Variants in DOCK3 observed in about 807,000 individuals in gnomAD.
DOCK3 encodes dedicator of cytokinesis 3, also known as dedicator of cytokinesis protein 3.
DOCK3 carries 60 observed loss-of-function variants against 265.6 expected under a neutral mutation model. The observed-to-expected ratio is 0.23, with a 90% confidence interval of 0.18 to 0.28. The LOEUF (loss-of-function observed/expected upper bound fraction) is 0.28, where lower values mean the gene tolerates loss of function less well. Ranked by LOEUF, DOCK3 falls within the 10% of genes least tolerant of loss-of-function variation. The probability of loss-of-function intolerance (pLI) is 1.00; values close to 1 mark genes in which losing one functional copy is unlikely to be tolerated. For synonymous variants in DOCK3, 881 were observed against 938.0 expected (o/e 0.94, Z 1.11); for missense variants, 1,981 against 2,594.3 (o/e 0.76, Z 5.14).
intron 7 of DOCK3, 31 bp from the exon 8 acceptor site, chr3:51,089,212 A>G (rs1260220819): frequency 6.3e-7 from 1 of 1,585,930 alleles, no homozygotes; most frequent in East Asian, 2.3e-5. Flanking sequence ...CTTTCCCGGT[A>G]GAGTTTATTT....
intron 21 of DOCK3, among the ~76,000 whole-genome samples, chr3:51,242,975 G>C (rs1006534238): frequency 6.6e-5 from 10 of 152,132 alleles, no homozygotes; most frequent in East Asian, 5.8e-4. Flanking sequence ...AGCATGGTCT[G>C]TGTAGAAGCT....
chr3:50,978,606 G>A (rs1259765402), intron 5 of DOCK3, among the ~76,000 whole-genome samples: 1 of 152,184 alleles, frequency 6.6e-6, no homozygotes, highest in East Asian at 1.9e-4. Context: ...TTGTTTGTCT[G>A]TGCCCTGCCC....
chr3:51,125,517 C>G (rs1036171720), intron 9 of DOCK3, among the ~76,000 whole-genome samples: 12 of 152,284 alleles, frequency 7.9e-5, no homozygotes, highest in African/African-American at 2.9e-4. Context: ...GTGACAAGCT[C>G]TGTCTTGTGC....
chr3:51,121,927 A>G (rs1244780375), intron 9 of DOCK3, among the ~76,000 whole-genome samples: 2 of 152,206 alleles, frequency 1.3e-5, no homozygotes, highest in Non-Finnish European at 2.9e-5. Context: ...ATAGCCAGCC[A>G]TATCACAGGA....
rs2084869127 is a variant in DOCK3 at position 51,137,707 on chromosome 3, A to G, written c.747-8842A>G. On this transcript the variant is annotated intron_variant, in intron 9 of 52. Coordinates refer to ENST00000266037, the MANE Select transcript of DOCK3 (RefSeq NM_004947.5). Reference sequence around the variant, plus strand: ...GTAAGAACTTGATCAATAATATGAAATTAATGTAACTTCATATGCTATTGT... The same window carrying G: ...GTAAGAACTTGATCAATAATATGAAGTTAATGTAACTTCATATGCTATTGT... Among the ~76,000 whole-genome samples the G allele has an allele frequency of 2.6e-5, 4 of 152,344 alleles. No homozygotes were observed. The South Asian group carries it at 8.3e-4, about 32-fold the overall frequency.
chr3:51,006,744 G>A lies in DOCK3; in HGVS notation c.316-57704G>A, dbSNP rs554078943. On this transcript the variant is annotated intron_variant, in intron 5 of 52. Transcript: ENST00000266037. ...ACCCATTAACTCATCATTTCCATGA[G>A]GTATTTCTCCTAGTGCTCTCCCTCC... 2.6e-5 allele frequency among the ~76,000 whole-genome samples: 4 copies of A among 152,148 alleles called. No individual in the cohort carries two copies. In the East Asian group the frequency reaches 7.7e-4, roughly 29 times the overall value.
chr3:50,854,061 A>G lies in DOCK3; in HGVS notation c.162+12346A>G, dbSNP rs2085581. Among the ~76,000 whole-genome samples the G allele has an allele frequency of 6.6e-3, 997 of 152,094 alleles. 6 individuals are homozygous for G. Among genetic ancestry groups the G allele is most frequent in the African/African-American group, 0.022 (932 of 41,506 alleles). The stretch of plus-strand genomic sequence containing the variant: ...GTTTTAATTTGCTTTTCCCTGATGA[A>G]TAGTTACATTGAGCATTTTTTCACG... On this transcript the variant is annotated intron_variant, in intron 3 of 52. Transcript: ENST00000266037.
chr3:51,010,729 A>G (rs557794488), intron 5 of DOCK3, among the ~76,000 whole-genome samples: 4 of 152,202 alleles, frequency 2.6e-5, no homozygotes, highest in South Asian at 4.2e-4. Context: ...GGTCTTTACA[A>G]TTTGGCACGC....
intron 12 of DOCK3, among the ~76,000 whole-genome samples, chr3:51,206,311 T>G (rs2089204675): frequency 6.6e-6 from 1 of 152,222 alleles, no homozygotes; most frequent in Admixed American, 6.5e-5. Context: ...TAAGCACTTA[T>G]TATGTGCTAC....
intron 22 of DOCK3, among the ~76,000 whole-genome samples, chr3:51,258,241 G>A (rs527843661): frequency 6.6e-6 from 1 of 152,276 alleles, no homozygotes; most frequent in African/African-American, 2.4e-5. Flanking sequence ...TAGAGGAGTA[G>A]TATGGAGCAC....
chr3:50,783,348 A>T (rs985063808), intron 2 of DOCK3, among the ~76,000 whole-genome samples: 89 of 149,962 alleles, frequency 5.9e-4, no homozygotes, highest in Admixed American at 1.7e-3. Flanking sequence ...TTTTTTTTTT[A>T]TTTTTAAATT....
intron 5 of DOCK3, among the ~76,000 whole-genome samples, chr3:51,060,077 A>G (rs984260611): frequency 7.9e-5 from 12 of 151,830 alleles, no homozygotes; most frequent in Admixed American, 1.3e-4. Flanking sequence ...TCCTCTCACA[A>G]TCTCACTCAA....
intron 5 of DOCK3, among the ~76,000 whole-genome samples, 190 bp from the exon 6 acceptor site, chr3:51,064,258 A>G (rs1035495258): frequency 2.0e-5 from 3 of 152,216 alleles, no homozygotes; most frequent in African/African-American, 7.2e-5. Flanking sequence ...ACTTTGTTGG[A>G]TGTCACTACG....
intron 4 of DOCK3, among the ~76,000 whole-genome samples, chr3:50,930,899 C>T (rs2108136340): frequency 6.6e-6 from 1 of 152,296 alleles, no homozygotes; most frequent in East Asian, 1.9e-4. Flanking sequence ...CGAAGCGTGG[C>T]CCCAAGCACT....
chr3:50,788,665 G>A (rs915473551), intron 2 of DOCK3, among the ~76,000 whole-genome samples: 1 of 152,252 alleles, frequency 6.6e-6, no homozygotes, highest in Admixed American at 6.5e-5. Flanking sequence ...TCTGTCCTCA[G>A]GACTGCTCCT....
intron 49 of DOCK3, among the ~76,000 whole-genome samples, chr3:51,363,355 G>A (rs2086876226): frequency 6.6e-6 from 1 of 152,206 alleles, no homozygotes; most frequent in African/African-American, 2.4e-5. Context: ...GCTTCCCAGG[G>A]TTGGCTTTGC....
intron 3 of DOCK3, among the ~76,000 whole-genome samples, chr3:50,868,694 A>G (rs182948449): frequency 1.4e-4 from 22 of 151,926 alleles, no homozygotes; most frequent in Admixed American, 7.2e-4. Context: ...TATGGCTTTT[A>G]TCTTGTTACT....
chr3:51,309,247 G>T (rs2082908025), intron 27 of DOCK3, among the ~76,000 whole-genome samples: 1 of 152,214 alleles, frequency 6.6e-6, no homozygotes, highest in African/African-American at 2.4e-5. Context: ...GGGAGGTAGA[G>T]GTTGTAGCAA....
chr3:50,940,082 C>CATACACACACAAACACAT (rs1166774176), intron 5 of DOCK3, among the ~76,000 whole-genome samples: 1 of 151,298 alleles, frequency 6.6e-6, no homozygotes, highest in Admixed American at 6.6e-5. Context: ...CACAAACACA[C>CATACACACACAAACACAT]ACACACATTC....
Sources: gnomAD v4.1 joint callset for allele counts (sites outside exome capture counted in the v4.1 genomes callset) on GRCh38, gnomAD v4.1.1 for gene constraint, MANE v1.5 for transcripts, NCBI Gene and HGNC (gene_info 2026-07-23, HGNC 2026-07-21) for gene names.